TSPAN2: variants seen among roughly 807,000 people sequenced by gnomAD.
The protein encoded by TSPAN2 is tetraspanin-2.
A neutral mutation model predicts 33.3 loss-of-function variants in TSPAN2; 24 were observed. The ratio of observed to expected loss-of-function variants is 0.72; its 90% CI spans 0.52 to 1.01. The LOEUF is 1.01. Ranked by LOEUF, TSPAN2 falls within the 50% of genes least tolerant of loss-of-function variation. The probability of loss-of-function intolerance (pLI) is 0.00; values close to 1 mark genes in which losing one functional copy is unlikely to be tolerated. For missense variants in TSPAN2, 278 were observed against 281.3 expected, an observed-to-expected ratio of 0.99 and a Z score of 0.08; for synonymous variants, 114 against 104.5, an observed-to-expected ratio of 1.09 and a Z score of -0.56.
intron 6 of TSPAN2, among the ~76,000 whole-genome samples, chr1:115,055,341 T>TTA (rs1553216642): frequency 6.6e-6 from 1 of 151,288 alleles, no homozygotes; most frequent in African/African-American, 2.4e-5. Flanking sequence ...TTTTTTTTTT[T>TTA]AAAAAGAAAT....
At chr1:115,062,271 C>T in intron 2 of TSPAN2, 39 bp from the exon 3 acceptor site, 1 of 1,517,930 alleles carries the variant, frequency 6.6e-7, no homozygotes, top group South Asian at 1.2e-5. Context: ...TGAGAGCCAA[C>T]CGAGTGCCTC....
Position 115,053,413 on chromosome 1 carries a change from A to G in TSPAN2, c.566T>C (p.Ile189Thr), listed in dbSNP as rs1196079440. Reference sequence around the variant, plus strand: ...TGCAATTCCAATACCGACAATTCCAATGAGCTGGAGCTTAACACTGATTAT... The same window carrying G: ...TGCAATTCCAATACCGACAATTCCAGTGAGCTGGAGCTTAACACTGATTAT... ...ETIISVKLQL[I>T]GIVGIGIAGL... is the part of the protein sequence containing the mutation. Residue 189 changes from isoleucine to threonine, a missense_variant, in exon 7 of 8, where the codon ATT (isoleucine) becomes ACT (threonine). Coordinates refer to ENST00000369516, the MANE Select transcript of TSPAN2 (RefSeq NM_005725.6). 1 of 1,613,866 alleles carries G rather than the reference A, an allele frequency of 6.2e-7. No individual in the cohort carries two copies. Among genetic ancestry groups the G allele is most frequent in the Non-Finnish European group, 8.5e-7 (1 of 1,179,912 alleles).
rs371498652 is a variant in TSPAN2, at chr1:115,084,222, T to C, written c.69+5142A>G. Among the ~76,000 whole-genome samples, 39 of 152,256 alleles carry C rather than the reference T, an allele frequency of 2.6e-4. 5 individuals carry two copies. Among genetic ancestry groups the C allele is most frequent in the Admixed American group, 2.2e-3 (34 of 15,282 alleles). On this transcript the variant is annotated intron_variant, in intron 1 of 7. Coordinates refer to ENST00000369516, the MANE Select transcript of TSPAN2 (RefSeq NM_005725.6). Reference sequence around the variant, plus strand: ...TTACTGTATGCATGAACCATACTTATAACCTTACATATATTAACTCATTTT... The same window carrying C: ...TTACTGTATGCATGAACCATACTTACAACCTTACATATATTAACTCATTTT...
chr1:115,067,630 C>T (rs1164478785), intron 2 of TSPAN2, among the ~76,000 whole-genome samples: 1 of 152,180 alleles, frequency 6.6e-6, no homozygotes, highest in Non-Finnish European at 1.5e-5. Context: ...CACTGGAATG[C>T]TTTCCTTATA....
chr1:115,062,903 G>A (rs964963179), intron 2 of TSPAN2, among the ~76,000 whole-genome samples: 1 of 152,136 alleles, frequency 6.6e-6, no homozygotes, highest in African/African-American at 2.4e-5. Context: ...AGACCTAGTA[G>A]GAGCCACAGG....
At chr1:115,071,531 A>G (rs1648177110) in intron 2 of TSPAN2, among the ~76,000 whole-genome samples, 1 of 152,144 alleles carries the variant, frequency 6.6e-6, no homozygotes, top group African/African-American at 2.4e-5. Flanking sequence ...TTCTTTTACT[A>G]TATTTCATCA....
chr1:115,082,914 C>T (rs1046976680), intron 1 of TSPAN2, among the ~76,000 whole-genome samples: 1 of 152,202 alleles, frequency 6.6e-6, no homozygotes, highest in Middle Eastern at 3.2e-3. Flanking sequence ...TCAGCTTTCA[C>T]AACTGTAAAA....
chr1:115,050,206 A>G lies in TSPAN2; in HGVS notation c.*284T>C. The stretch of plus-strand genomic sequence containing the variant: ...GAGCGAAATAGGTTGTTCTTCTTAT[A>G]TAACAAGAATCAGGAATTCCCAGCA... On this transcript the variant is annotated 3_prime_UTR_variant, in exon 8 of 8. Coordinates refer to ENST00000369516, the MANE Select transcript of TSPAN2 (RefSeq NM_005725.6). 1 of 382,774 alleles carries G rather than the reference A, an allele frequency of 2.6e-6. No individual in the cohort carries two copies. Among genetic ancestry groups the G allele is most frequent in the Non-Finnish European group, 4.7e-6 (1 of 212,816 alleles). The allele number at this position is 382,774 out of a possible 1,614,324, so 23.7% of individuals were successfully genotyped here.
intron 2 of TSPAN2, among the ~76,000 whole-genome samples, chr1:115,071,666 A>G (rs564637790): frequency 6.6e-6 from 1 of 152,352 alleles, no homozygotes; most frequent in East Asian, 1.9e-4. Flanking sequence ...ACCTAAAATA[A>G]TTGAGTGTTT....
At chr1:115,079,140 CACA>C (rs528427878) in intron 1 of TSPAN2, among the ~76,000 whole-genome samples, 3,475 of 41,130 alleles carry the variant, frequency 0.084, 161 homozygotes, top group African/African-American at 0.2. Context: ...TATAGCGCCA[CACA>C]CACACACACA....
At chr1:115,083,229 G>A (rs1648697137) in intron 1 of TSPAN2, among the ~76,000 whole-genome samples, 1 of 152,192 alleles carries the variant, frequency 6.6e-6, no homozygotes, top group Admixed American at 6.5e-5. Context: ...GATATTAACT[G>A]TCAAGGTTGG....
chr1:115,072,598 T>G (rs1243253459), intron 2 of TSPAN2, among the ~76,000 whole-genome samples: 1 of 152,206 alleles, frequency 6.6e-6, no homozygotes, highest in African/African-American at 2.4e-5. Flanking sequence ...TCCTTGAGAC[T>G]TCTTTCCTTG....
chr1:115,071,729 T>C (rs1287225692), intron 2 of TSPAN2, among the ~76,000 whole-genome samples: 1 of 152,236 alleles, frequency 6.6e-6, no homozygotes, highest in Non-Finnish European at 1.5e-5. Context: ...CTTATTGTTA[T>C]CCATCTTTAG....
chr1:115,052,612 C>G (rs1570963522), intron 7 of TSPAN2, among the ~76,000 whole-genome samples: 1 of 152,256 alleles, frequency 6.6e-6, no homozygotes, highest in East Asian at 1.9e-4. Flanking sequence ...TCTCGCAACT[C>G]CTGCCATACC....
At chr1:115,080,359 C>T (rs1648579451) in intron 1 of TSPAN2, among the ~76,000 whole-genome samples, 1 of 152,146 alleles carries the variant, frequency 6.6e-6, no homozygotes, top group Non-Finnish European at 1.5e-5. Context: ...TCACAGCTCA[C>T]TGCAGTCTTG....
At chr1:115,069,276 A>C (rs1648071248) in intron 2 of TSPAN2, among the ~76,000 whole-genome samples, 1 of 151,710 alleles carries the variant, frequency 6.6e-6, no homozygotes, top group Non-Finnish European at 1.5e-5. Context: ...GGTAAAGGGA[A>C]CTCCTCCATT....
rs1035315744 is a variant in TSPAN2, at chr1:115,085,384, A to G, written c.69+3980T>C. On this transcript the variant is annotated intron_variant, in intron 1 of 7. Coordinates refer to ENST00000369516, the MANE Select transcript of TSPAN2 (RefSeq NM_005725.6). ...GTTGTATGTTTATGAAACCAGGAGC[A>G]CAGCCTAGGGAAACTTAAAGCAAGC... Among the ~76,000 whole-genome samples, 5 of 152,310 alleles carry G rather than the reference A, an allele frequency of 3.3e-5. No individual in the cohort carries two copies. The East Asian group carries it at 9.6e-4, about 29-fold the overall frequency.
chr1:115,059,110 G>A, intron 4 of TSPAN2, 129 bp from the exon 5 acceptor site: 1 of 725,834 alleles, frequency 1.4e-6, no homozygotes, highest in Non-Finnish European at 2.4e-6. Context: ...TGATACAATG[G>A]ACTTTGGGGA....
At chr1:115,084,641 T>C (rs745369777) in intron 1 of TSPAN2, among the ~76,000 whole-genome samples, 3 of 152,250 alleles carry the variant, frequency 2.0e-5, no homozygotes, top group Non-Finnish European at 4.4e-5. Context: ...AACATTCCTA[T>C]CTGCCTTATG....
Sources: allele counts gnomAD v4.1 joint callset (sites outside exome capture counted in the v4.1 genomes callset), GRCh38; gene constraint gnomAD v4.1.1; transcripts MANE v1.5; gene names NCBI Gene and HGNC (gene_info 2026-07-23, HGNC 2026-07-21).